Variants in GRIK2 observed in about 807,000 individuals in gnomAD.
GRIK2 encodes the protein glutamate ionotropic receptor kainate type subunit 2.
A neutral mutation model predicts 100.3 loss-of-function variants in GRIK2; 32 were observed. That is an observed-to-expected ratio of 0.32 (90% CI 0.24 to 0.43). GRIK2 has a LOEUF of 0.43. GRIK2 is among the 20% of genes least tolerant of loss of function. The probability of loss-of-function intolerance (pLI) is 1.00; values close to 1 mark genes in which losing one functional copy is unlikely to be tolerated. For missense variants in GRIK2, 843 were observed against 1,114.9 expected (o/e 0.76, Z 3.47); for synonymous variants, 417 against 389.4 (o/e 1.07, Z -0.83).
chr6:101,541,377 CACACACACACACA>C lies in GRIK2; in HGVS notation c.116-80571_116-80559del, dbSNP rs1489643034. 8.8e-3 allele frequency among the ~76,000 whole-genome samples: 1,281 copies of C among 145,190 alleles called. 14 individuals carry two copies. The highest frequency in any genetic ancestry group is 9.2e-3 in the Non-Finnish European group (618 of 66,978). ...GATGTTACACCCCAGCGCACACAACCACACACACACACACACACACACACACACACACACACAC... is the reference window on the plus strand; with the variant it reads ...GATGTTACACCCCAGCGCACACAACCCACACACACACACACACACACACAC... On this transcript the variant is annotated intron_variant, in intron 2 of 16. Coordinates refer to ENST00000369134, the MANE Select transcript of GRIK2 (RefSeq NM_021956.5).
intron 9 of GRIK2, among the ~76,000 whole-genome samples, chr6:101,806,939 A>G (rs1781042650): frequency 6.6e-6 from 1 of 151,744 alleles, no homozygotes; most frequent in South Asian, 2.1e-4. Flanking sequence ...GACCTACTAG[A>G]TGGAAAATAT....
Position 101,859,459 on chromosome 6 carries a change from A to G in GRIK2, c.1490A>G (p.Gln497Arg), listed in dbSNP as rs1429023843. Residue 497 changes from glutamine (Q) to arginine (R), a missense_variant, in exon 11 of 17, where the codon CAA (glutamine) becomes CGA (arginine). Around this residue, in one of 3 missense-constraint regions of GRIK2, gnomAD observed 519 missense variants for 643.8 expected, o/e 0.81. Transcript: ENST00000369134. ...GGAGCCCAGGATGATGCCAATGGAC[A>G]ATGGAATGGAATGGTTCGTGAACTA... The part of the protein sequence containing the change: ...KYGAQDDANG[Q>R]WNGMVRELID... 1 of 1,605,518 alleles carries G rather than the reference A, an allele frequency of 6.2e-7. No individual in the cohort carries two copies. The highest frequency in any genetic ancestry group is 8.5e-7 in the Non-Finnish European group (1 of 1,173,008).
intron 15 of GRIK2, among the ~76,000 whole-genome samples, chr6:102,053,072 G>A (rs896999060): frequency 4.7e-5 from 7 of 147,474 alleles, no homozygotes; most frequent in Non-Finnish European, 1.0e-4. Context: ...TGTCTACAAA[G>A]ACAAACAACA....
intron 7 of GRIK2, among the ~76,000 whole-genome samples, chr6:101,729,031 C>A (rs1207358862): frequency 6.6e-6 from 1 of 152,060 alleles, no homozygotes; most frequent in Non-Finnish European, 1.5e-5. Flanking sequence ...TTTGCACACT[C>A]TTCCAACCAC....
rs765422269 is a variant in GRIK2, at chr6:101,395,187, C to G, written c.-294+1350C>G. Reference sequence around the variant, plus strand: ...GATTTCAACTGAAACCTGACTCAGTCCTGACTTTATTCTCTGAGATCTTTA... The same window carrying G: ...GATTTCAACTGAAACCTGACTCAGTGCTGACTTTATTCTCTGAGATCTTTA... On this transcript the variant is annotated intron_variant, in intron 1 of 16. Transcript: ENST00000369134. Among the ~76,000 whole-genome samples the G allele has an allele frequency of 8.1e-4, 124 of 152,190 alleles. 1 individual carries two copies. The highest frequency in any genetic ancestry group is 1.6e-4 in the Non-Finnish European group (11 of 68,028).
chr6:101,883,593 A>G lies in GRIK2; in HGVS notation c.1525-6047A>G, dbSNP rs2128454612. On this transcript the variant is annotated intron_variant, in intron 11 of 16. Coordinates refer to ENST00000369134, the MANE Select transcript of GRIK2 (RefSeq NM_021956.5). ...ATAAAGAGTGATAGAATGAGTGTTC[A>G]GGAAAGACCCCTTTGAGTAATTGTC... Among the ~76,000 whole-genome samples, 2 of 152,230 alleles carry G rather than the reference A, an allele frequency of 1.3e-5. 1 individual carries two copies. The highest frequency in any genetic ancestry group is 4.1e-4 in the South Asian group (2 of 4,832).
At chr6:101,965,264 G>A (rs1051627812) in intron 14 of GRIK2, among the ~76,000 whole-genome samples, 11 of 152,100 alleles carry the variant, frequency 7.2e-5, no homozygotes, top group Admixed American at 2.6e-4. Context: ...TGTAAAACTG[G>A]ATAAAGTACC....
At chr6:101,467,382 G>T (rs772506672) in intron 2 of GRIK2, among the ~76,000 whole-genome samples, 1 of 152,076 alleles carries the variant, frequency 6.6e-6, no homozygotes, top group Admixed American at 6.5e-5. Flanking sequence ...AAGTAACATA[G>T]ATAAGCCAAT....
intron 7 of GRIK2, among the ~76,000 whole-genome samples, chr6:101,692,483 AG>A (rs893566625): frequency 6.6e-6 from 1 of 152,118 alleles, no homozygotes; most frequent in Non-Finnish European, 1.5e-5. Flanking sequence ...CAAATAACTA[AG>A]GGAATTGATA....
chr6:101,811,786 T>A (rs1313644154), intron 9 of GRIK2, among the ~76,000 whole-genome samples: 1 of 151,784 alleles, frequency 6.6e-6, no homozygotes, highest in Admixed American at 6.6e-5. Context: ...TTTAAAGTAG[T>A]AATATGAGTT....
chr6:101,473,097 T>TTTCC (rs202063345), intron 2 of GRIK2, among the ~76,000 whole-genome samples: 14,084 of 132,784 alleles, frequency 0.11, 799 homozygotes, highest in South Asian at 0.16. Flanking sequence ...AATCCTAGGT[T>TTTCC]TTCCTTCCTT....
chr6:101,658,456 A>T (rs191047833), intron 4 of GRIK2, among the ~76,000 whole-genome samples: 135 of 152,148 alleles, frequency 8.9e-4, no homozygotes, highest in Non-Finnish European at 1.8e-3. Flanking sequence ...TCTATCATTG[A>T]TGGGCATTTG....
intron 12 of GRIK2, among the ~76,000 whole-genome samples, chr6:101,916,924 C>T (rs578089556): frequency 6.6e-6 from 1 of 151,702 alleles, no homozygotes; most frequent in Non-Finnish European, 1.5e-5. Context: ...GCAGGCAAGT[C>T]TGCTTTACAA....
chr6:101,680,015 G>T (rs1771126855), intron 5 of GRIK2, among the ~76,000 whole-genome samples: 1 of 152,152 alleles, frequency 6.6e-6, no homozygotes, highest in Admixed American at 6.5e-5. Flanking sequence ...TGGGATTACA[G>T]GCATGAGCCA....
chr6:101,588,442 A>G (rs145787256), intron 2 of GRIK2, among the ~76,000 whole-genome samples: 2 of 131,304 alleles, frequency 1.5e-5, no homozygotes, highest in African/African-American at 3.0e-5. Context: ...AGAGCCATAA[A>G]TATCTTTATG....
intron 2 of GRIK2, among the ~76,000 whole-genome samples, chr6:101,494,142 T>A (rs1055141780): frequency 6.6e-6 from 1 of 150,486 alleles, no homozygotes; most frequent in African/African-American, 2.4e-5. Flanking sequence ...AGGCAACAAT[T>A]TTAAAGGGAG....
chr6:101,732,425 A>G (rs1775339061), intron 7 of GRIK2, among the ~76,000 whole-genome samples: 1 of 152,094 alleles, frequency 6.6e-6, no homozygotes, highest in African/African-American at 2.4e-5. Context: ...TTTTCAAAAG[A>G]GAAAAGACTT....
At chr6:101,794,394 G>T (rs1465028617) in intron 7 of GRIK2, among the ~76,000 whole-genome samples, 1 of 151,562 alleles carries the variant, frequency 6.6e-6, no homozygotes, top group Non-Finnish European at 1.5e-5. Flanking sequence ...TATATAGTTG[G>T]GTCATTAAAA....
At chr6:101,595,696 ATATGTG>A (rs1172431786) in intron 2 of GRIK2, among the ~76,000 whole-genome samples, 1 of 92,172 alleles carries the variant, frequency 1.1e-5, no homozygotes, top group African/African-American at 4.5e-5. Flanking sequence ...ATGTATATAT[ATATGTG>A]TGTGTGTGTG....
Sources: gnomAD v4.1 joint callset for allele counts (sites outside exome capture counted in the v4.1 genomes callset) on GRCh38, gnomAD v4.1.1 for gene constraint, gnomAD v4.1.1 regional missense constraint, MANE v1.5 for transcripts, NCBI Gene and HGNC (gene_info 2026-07-23, HGNC 2026-07-21) for gene names.